Variants in CACNA1E observed in about 807,000 individuals in gnomAD.
The protein encoded by CACNA1E is voltage-dependent R-type calcium channel subunit alpha-1E.
In CACNA1E, 40 loss-of-function variants were observed where a neutral mutation model predicts 259.2. That is an observed-to-expected ratio of 0.15 (90% confidence interval 0.12 to 0.20). The LOEUF (loss-of-function observed/expected upper bound fraction) is 0.20, where lower values mean the gene tolerates loss of function less well. Among genes scored for constraint, CACNA1E ranks in the 10% least tolerant of loss-of-function variants. The pLI is 1.00. For missense variants in CACNA1E, 1,874 were observed against 3,040.1 expected, an observed-to-expected ratio of 0.62 and a Z score of 9.02; for synonymous variants, 1,104 against 1,138.5, an observed-to-expected ratio of 0.97 and a Z score of 0.61.
chr1:181,462,568 C>T (rs947260097), intron 2 of CACNA1E, among the ~76,000 whole-genome samples: 1 of 152,196 alleles, frequency 6.6e-6, no homozygotes, highest in Non-Finnish European at 1.5e-5. Context: ...TCATCCCTCT[C>T]CCATTTTCAA....
At position 181,470,169 on chromosome 1, in the gene CACNA1E, AT is replaced by A. The variant is rs1662409041; in HGVS notation, c.435-13567del. On this transcript the variant is annotated intron_variant, in intron 2 of 11. Coordinates refer to the CACNA1E transcript ENST00000524607. ...TGAGCGAGCTGCTTGATTTATTTTAATTTTTTTTAGAGATGGAGTCTCTAAA... is the reference window on the plus strand; with the variant it reads ...TGAGCGAGCTGCTTGATTTATTTTAATTTTTTTAGAGATGGAGTCTCTAAA... 2.0e-5 allele frequency among the ~76,000 whole-genome samples: 3 copies of A among 151,504 alleles called. No individual in the cohort carries two copies. In the South Asian group the frequency reaches 6.3e-4, roughly 32 times the overall value.
At chr1:181,540,356 A>G (rs756789830) in intron 3 of CACNA1E, among the ~76,000 whole-genome samples, 2 of 152,046 alleles carry the variant, frequency 1.3e-5, no homozygotes, top group East Asian at 1.9e-4. Flanking sequence ...TATGGCTTTT[A>G]TATGGTAGTG....
At chr1:181,506,567 C>A (rs1665729919) in intron 1 of CACNA1E, among the ~76,000 whole-genome samples, 1 of 152,176 alleles carries the variant, frequency 6.6e-6, no homozygotes, top group South Asian at 2.1e-4. Context: ...CTCCTGCTTT[C>A]AAGATATAGT....
At chr1:181,346,300 A>G (rs1014508910) in intron 1 of CACNA1E, among the ~76,000 whole-genome samples, 1 of 152,218 alleles carries the variant, frequency 6.6e-6, no homozygotes, top group Non-Finnish European at 1.5e-5. Flanking sequence ...TCTCTGCTGT[A>G]GTTTTTCTCC....
rs1661988132 is a variant in CACNA1E, at chr1:181,798,323, CCTCTGT to C, written c.6437_6442del (p.Val2146_Ser2147del). ...GGTTCCCTAAGTGAGAGCTCCATCCCCTCTGTCTCTGACACCAGCACCCCAAGAAGA... is the reference window on the plus strand; with the variant it reads ...GGTTCCCTAAGTGAGAGCTCCATCCCCTCTGACACCAGCACCCCAAGAAGA... On this transcript the variant is annotated inframe_deletion, in exon 48 of 48. Coordinates refer to ENST00000367573, the MANE Select transcript of CACNA1E (RefSeq NM_001205293.3). The surrounding 1 kb of genome is among the most constrained non-coding windows in gnomAD (Gnocchi z 4.2). 1.9e-6 allele frequency: 3 copies of C among 1,603,916 alleles called. No homozygotes were observed. Among genetic ancestry groups the C allele is most frequent in the Non-Finnish European group, 2.6e-6 (3 of 1,176,406 alleles).
intron 2 of CACNA1E, among the ~76,000 whole-genome samples, chr1:181,444,799 G>C (rs1660703535): frequency 1.3e-5 from 2 of 152,122 alleles, no homozygotes; most frequent in African/African-American, 4.8e-5. Context: ...CAGGAGCTCA[G>C]AATGTGATTC....
intron 35 of CACNA1E, among the ~76,000 whole-genome samples, chr1:181,768,231 G>T (rs982797645): frequency 6.6e-6 from 1 of 152,014 alleles, no homozygotes; most frequent in Non-Finnish European, 1.5e-5. Context: ...TCTGATAATG[G>T]TGATAATGCT....
intron 3 of CACNA1E, among the ~76,000 whole-genome samples, chr1:181,553,561 G>A (rs1200976246): frequency 1.3e-5 from 2 of 152,170 alleles, no homozygotes; most frequent in Non-Finnish European, 2.9e-5. Flanking sequence ...TAGTGAGAGA[G>A]AGCATCCTTG....
chr1:181,677,311 T>C (rs1050075541), intron 7 of CACNA1E, among the ~76,000 whole-genome samples: 1 of 152,208 alleles, frequency 6.6e-6, no homozygotes, highest in African/African-American at 2.4e-5. Flanking sequence ...TCAGCTGGTT[T>C]CATAATCAGG....
At chr1:181,428,613 C>T (rs1659480498) in intron 2 of CACNA1E, among the ~76,000 whole-genome samples, 1 of 152,032 alleles carries the variant, frequency 6.6e-6, no homozygotes, top group South Asian at 2.1e-4. Flanking sequence ...TTGGTGTGTG[C>T]TGCTCTTGGG....
intron 33 of CACNA1E, among the ~76,000 whole-genome samples, chr1:181,763,098 A>T (rs557566478): frequency 6.6e-6 from 1 of 152,248 alleles, no homozygotes. Context: ...GGGTTCCTAG[A>T]TCTGCTCTTT....
Position 181,483,693 on chromosome 1 carries a change from G to T in CACNA1E, c.-52G>T, listed in dbSNP as rs1663508773. On this transcript the variant is annotated 5_prime_UTR_variant, in exon 1 of 48. Transcript: ENST00000367573. ...GTCTTTCTGCTTGTTGCTGTGTGCG[G>T]GTGTTCGGCCGCGATCACCTTTGTG... 2 of 1,422,710 alleles carry T rather than the reference G, an allele frequency of 1.4e-6. No individual in the cohort carries two copies. The highest frequency in any genetic ancestry group is 1.9e-6 in the Non-Finnish European group (2 of 1,050,428). 88.1% of individuals were successfully genotyped at this position (1,422,710 alleles called of 1,614,324 possible).
At chr1:181,727,065 A>T (rs1429995736) in intron 18 of CACNA1E, among the ~76,000 whole-genome samples, 1 of 152,200 alleles carries the variant, frequency 6.6e-6, no homozygotes, top group Non-Finnish European at 1.5e-5. Context: ...TCATTTTGAG[A>T]TACTTCTAAG....
intron 2 of CACNA1E, among the ~76,000 whole-genome samples, chr1:181,462,642 C>T (rs1661894063): frequency 6.6e-6 from 1 of 152,192 alleles, no homozygotes; most frequent in Non-Finnish European, 1.5e-5. Context: ...CGGAAGTCAT[C>T]ACTCCTCTGA....
chr1:181,589,366 C>T (rs2103015672), intron 6 of CACNA1E, among the ~76,000 whole-genome samples: 1 of 152,278 alleles, frequency 6.6e-6, no homozygotes, highest in Admixed American at 6.5e-5. Context: ...GTTTGCCTAA[C>T]ATAAAGTGAT....
chr1:181,577,895 C>T, intron 4 of CACNA1E, 26 bp downstream of exon 4: 1 of 1,463,312 alleles, frequency 6.8e-7, no homozygotes, highest in Non-Finnish European at 9.5e-7. Context: ...TCTTTCTGCT[C>T]TGCTAAGAAC....
chr1:181,675,763 C>T (rs1426735474), intron 7 of CACNA1E, among the ~76,000 whole-genome samples: 3 of 152,218 alleles, frequency 2.0e-5, no homozygotes, highest in African/African-American at 4.8e-5. Flanking sequence ...CTGCTTGCTC[C>T]TGGCTGACCT....
In CACNA1E at chr1:181,626,208, T is replaced by G. The variant is rs528633839; in HGVS notation, c.952-25130T>G. Among the ~76,000 whole-genome samples the G allele has an allele frequency of 1.5e-3, 222 of 152,316 alleles. 1 individual carries two copies. Among genetic ancestry groups the G allele is most frequent in the African/African-American group, 5.1e-3 (211 of 41,576 alleles). On this transcript the variant is annotated intron_variant, in intron 6 of 47. Coordinates refer to ENST00000367573, the MANE Select transcript of CACNA1E (RefSeq NM_001205293.3). ...AAATATTGCAAGAATTATCAAAATG[T>G]GACACAGAAACACGAAGCGAGCATG...
At position 181,537,189 on chromosome 1, in the gene CACNA1E, T is replaced by C. The variant is rs922336803; in HGVS notation, c.512+25679T>C. Among the ~76,000 whole-genome samples the C allele has an allele frequency of 3.7e-5, 5 of 136,366 alleles. No individual in the cohort carries two copies. In the Admixed American group the frequency reaches 4.0e-4, roughly 11 times the overall value. 89.5% of individuals were successfully genotyped at this position (136,366 alleles called of 152,430 possible). On this transcript the variant is annotated intron_variant, in intron 3 of 47. Coordinates refer to ENST00000367573, the MANE Select transcript of CACNA1E (RefSeq NM_001205293.3). ...ATCTCGGCTCACTGCACCCTCCACC[T>C]CCAAGATTCAAGTGATTCTCCTGCC...
Sources: gnomAD v4.1 joint callset for allele counts (sites outside exome capture counted in the v4.1 genomes callset) on GRCh38, gnomAD v4.1.1 for gene constraint, Gnocchi (gnomAD v3.1) non-coding constraint, MANE v1.5 for transcripts, NCBI Gene and HGNC (gene_info 2026-07-23, HGNC 2026-07-21) for gene names.